Variants in GRHL1 observed in about 807,000 individuals in gnomAD.
The protein encoded by GRHL1 is grainyhead like transcription factor 1.
A neutral mutation model predicts 75.7 loss-of-function variants in GRHL1; 38 were observed. The ratio of observed to expected loss-of-function variants is 0.50; its 90% CI spans 0.39 to 0.66. The LOEUF is 0.66. Ranked by LOEUF, GRHL1 falls within the 30% of genes least tolerant of loss-of-function variation. The probability of loss-of-function intolerance (pLI) is 0.00; values close to 1 mark genes in which losing one functional copy is unlikely to be tolerated. For missense variants in GRHL1, 589 were observed against 767.5 expected, an observed-to-expected ratio of 0.77 and a Z score of 2.75; for synonymous variants, 266 against 279.4, an observed-to-expected ratio of 0.95 and a Z score of 0.48.
intron 9 of GRHL1, among the ~76,000 whole-genome samples, chr2:9,986,928 G>A (rs938211431): frequency 5.9e-5 from 9 of 151,598 alleles, no homozygotes; most frequent in African/African-American, 1.5e-4. Context: ...TGCTGGTCTT[G>A]AACTCCGGTC....
intron 8 of GRHL1, among the ~76,000 whole-genome samples, chr2:9,969,012 T>C (rs577576267): frequency 6.6e-6 from 1 of 152,322 alleles, no homozygotes; most frequent in East Asian, 1.9e-4. Context: ...AATTTATAAA[T>C]TGGGGCTATT....
intron 1 of GRHL1, chr2:9,952,934 C>T: frequency 2.3e-6 from 1 of 442,908 alleles, no homozygotes; most frequent in Non-Finnish European, 4.5e-6. Context: ...TTGCCTGAAA[C>T]ATATTTCAGA....
At chr2:9,953,293 T>C (rs1042766939) in intron 1 of GRHL1, among the ~76,000 whole-genome samples, 2 of 152,268 alleles carry the variant, frequency 1.3e-5, no homozygotes, top group African/African-American at 4.8e-5. Flanking sequence ...TGTCATAGTC[T>C]TCTGGAAGTA....
intron 12 of GRHL1, among the ~76,000 whole-genome samples, chr2:9,993,903 C>T (rs758929423): frequency 5.3e-5 from 8 of 152,180 alleles, no homozygotes; most frequent in Admixed American, 1.3e-4. Context: ...TCAGTTTACT[C>T]GTTCATTTAT....
At position 9,965,389 on chromosome 2, in the gene GRHL1, G is replaced by A. The variant is rs771093470; in HGVS notation, c.1110+8G>A. On this transcript the variant is annotated splice_region_variant and intron_variant, in intron 8 of 15. Transcript: ENST00000324907. ...ATCAACGATGAAGCAAAGGTGGGTG[G>A]TGAGGTCTGGGCGCCTTATGTCCAG... is the stretch of plus-strand genomic sequence containing the variant. 1.3e-6 allele frequency: 2 copies of A among 1,533,158 alleles called. No homozygotes were observed. The highest frequency in any genetic ancestry group is 1.4e-5 in the African/African-American group (1 of 73,482). 95.0% of individuals were successfully genotyped at this position (1,533,158 alleles called of 1,614,324 possible). A position where few individuals can be genotyped will look rare whatever the true frequency, so the allele number is the denominator to read the frequency against.
At chr2:9,988,915 A>G (rs1382563687) in intron 9 of GRHL1, among the ~76,000 whole-genome samples, 1 of 152,212 alleles carries the variant, frequency 6.6e-6, no homozygotes, top group African/African-American at 2.4e-5. Context: ...AAGGAGGGAC[A>G]GTCCTATTTT....
intron 15 of GRHL1, 51 bp downstream of exon 15, chr2:9,999,080 C>G: frequency 1.1e-6 from 1 of 941,950 alleles, no homozygotes; most frequent in Admixed American, 2.1e-5. Flanking sequence ...ATGCCCCCCG[C>G]AGTGCTAGTG....
At chr2:9,997,260 A>T (rs1668906583) in intron 14 of GRHL1, among the ~76,000 whole-genome samples, 1 of 152,184 alleles carries the variant, frequency 6.6e-6, no homozygotes, top group Non-Finnish European at 1.5e-5. Context: ...GAAGACACAG[A>T]CACCAAAATA....
chr2:9,951,823 G>A lies in GRHL1; in HGVS notation c.-11G>A, dbSNP rs111645870. 103,540 of 1,526,144 alleles carry A rather than the reference G, an allele frequency of 0.068. 3,919 individuals are homozygous for A. Among genetic ancestry groups the A allele is most frequent in the Middle Eastern group, 0.089 (479 of 5,382 alleles). 94.5% of individuals were successfully genotyped at this position (1,526,144 alleles called of 1,614,324 possible). On this transcript the variant is annotated 5_prime_UTR_variant, in exon 1 of 16. Transcript: ENST00000324907. This position sits in a 1 kb window ranked among gnomAD's most constrained non-coding sequence, Gnocchi z 4.2. ...TCCAGTTCTGCGGCCCGGCAGCGGC[G>A]AGCGGGCGCGATGACACAGGAGTAC...
At chr2:9,973,022 C>T (rs1019515700) in intron 8 of GRHL1, among the ~76,000 whole-genome samples, 2 of 152,138 alleles carry the variant, frequency 1.3e-5, no homozygotes, top group African/African-American at 4.8e-5. Context: ...TTCAGGGAAA[C>T]GCCCCACATA....
intron 2 of GRHL1, 106 bp from the exon 3 acceptor site, chr2:9,958,680 A>C (rs1322760790): frequency 1.3e-6 from 1 of 799,406 alleles, no homozygotes; most frequent in Non-Finnish European, 2.1e-6. Flanking sequence ...GGCAACCAGT[A>C]GATAAATGAA....
chr2:9,963,716 C>T (rs949236704), intron 5 of GRHL1, among the ~76,000 whole-genome samples, 170 bp from the exon 6 acceptor site: 1 of 152,168 alleles, frequency 6.6e-6, no homozygotes, highest in Non-Finnish European at 1.5e-5. Flanking sequence ...AATTTTTAAT[C>T]GGCAATTTGT....
chr2:9,976,935 A>G (rs554198811), intron 8 of GRHL1, among the ~76,000 whole-genome samples: 1 of 152,336 alleles, frequency 6.6e-6, no homozygotes, highest in East Asian at 1.9e-4. Context: ...TCTTTTTCAC[A>G]TAGACTGTGG....
intron 9 of GRHL1, among the ~76,000 whole-genome samples, chr2:9,988,174 T>G (rs576112311): frequency 6.6e-6 from 1 of 152,336 alleles, no homozygotes; most frequent in South Asian, 2.1e-4. Context: ...TCCTGAAATC[T>G]GGTTAAGTTG....
chr2:9,958,041 A>C (rs1277002674), intron 2 of GRHL1, among the ~76,000 whole-genome samples: 4 of 152,214 alleles, frequency 2.6e-5, no homozygotes, highest in Non-Finnish European at 5.9e-5. Context: ...CTGCTTTTGC[A>C]TTTGATCTGA....
At chr2:9,993,375 C>A in intron 12 of GRHL1, 131 bp downstream of exon 12, 1 of 710,170 alleles carries the variant, frequency 1.4e-6, no homozygotes, top group Non-Finnish European at 2.5e-6. Flanking sequence ...AGCCTGATGG[C>A]CCATCACTCC....
intron 8 of GRHL1, among the ~76,000 whole-genome samples, chr2:9,978,629 A>G (rs1296012892): frequency 1.3e-5 from 2 of 152,162 alleles, no homozygotes; most frequent in East Asian, 3.9e-4. Context: ...TGCTGCCTCG[A>G]TGAGCACCTG....
chr2:9,996,088 C>T, intron 13 of GRHL1, 118 bp downstream of exon 13: 1 of 778,222 alleles, frequency 1.3e-6, no homozygotes, highest in South Asian at 1.6e-5. Flanking sequence ...GGAATTCTTC[C>T]ATCAGACTGA....
intron 10 of GRHL1, among the ~76,000 whole-genome samples, chr2:9,991,507 T>C (rs1024775945): frequency 4.0e-4 from 59 of 148,602 alleles, no homozygotes; most frequent in African/African-American, 1.4e-3. Flanking sequence ...AGCCAGATCA[T>C]TGGGGAAGAT....
Sources: gnomAD v4.1 joint callset for allele counts (sites outside exome capture counted in the v4.1 genomes callset) on GRCh38, gnomAD v4.1.1 for gene constraint, Gnocchi (gnomAD v3.1) non-coding constraint, MANE v1.5 for transcripts, NCBI Gene and HGNC (gene_info 2026-07-23, HGNC 2026-07-21) for gene names.